Variants in SPECC1 observed in about 807,000 individuals in gnomAD.
SPECC1 encodes the protein sperm antigen with calponin homology and coiled-coil domains 1.
Under a neutral mutation model 104.1 loss-of-function variants are expected in SPECC1, and 62 were observed. That is an observed-to-expected ratio of 0.60 (90% CI 0.49 to 0.74). SPECC1 has a LOEUF of 0.74. SPECC1 is among the 30% of genes least tolerant of loss of function. The probability of loss-of-function intolerance (pLI) is 0.00; values close to 1 mark genes in which losing one functional copy is unlikely to be tolerated. For synonymous variants in SPECC1, 513 were observed against 501.6 expected (o/e 1.02, Z -0.30); for missense variants, 1,306 against 1,310.5 (o/e 1.00, Z 0.05).
At chr17:20,206,117 G>T (rs1183875466) in intron 4 of SPECC1, among the ~76,000 whole-genome samples, 3 of 152,158 alleles carry the variant, frequency 2.0e-5, no homozygotes, top group African/African-American at 7.2e-5. Flanking sequence ...CTGATTATGG[G>T]CGGTTCAAAA....
chr17:20,044,898 T>G (rs1021150423), intron 1 of SPECC1, among the ~76,000 whole-genome samples: 2 of 152,244 alleles, frequency 1.3e-5, no homozygotes, highest in African/African-American at 4.8e-5. Flanking sequence ...ATTTATCAAG[T>G]AAAGGGTGTG....
intron 7 of SPECC1, among the ~76,000 whole-genome samples, chr17:20,244,632 GAC>G (rs903817673): frequency 6.6e-6 from 1 of 151,902 alleles, no homozygotes; most frequent in Non-Finnish European, 1.5e-5. Flanking sequence ...GAGAATTAAA[GAC>G]AAATTCAACT....
chr17:20,253,057 G>A (rs1016149522), intron 9 of SPECC1, among the ~76,000 whole-genome samples: 2 of 147,988 alleles, frequency 1.4e-5, no homozygotes, highest in African/African-American at 5.0e-5. Context: ...TTTTTTTGAT[G>A]ATGGTCTTCC....
In SPECC1 at chr17:20,051,068, TTTTCTTTCTTTCTTTCTTTCTTTC is replaced by T. The variant is rs71157856; in HGVS notation, c.-22+41693_-22+41716del. On this transcript the variant is annotated intron_variant, in intron 1 of 14. Coordinates refer to ENST00000395527, the MANE Select transcript of SPECC1 (RefSeq NM_001243439.2). ...CTTGGTTCTTTCTTTCTTTCTTTCT[TTTTCTTTCTTTCTTTCTTTCTTTC>T]TTTCTTTCTTTCTTTCTTTCTTTCT... Among the ~76,000 whole-genome samples, 510 of 90,602 alleles carry T rather than the reference TTTTCTTTCTTTCTTTCTTTCTTTC, an allele frequency of 5.6e-3. 3 individuals carry two copies. Among genetic ancestry groups the T allele is most frequent in the East Asian group, 0.028 (85 of 3,028 alleles). The allele number at this position is 90,602 out of a possible 152,430, so 59.4% of individuals were successfully genotyped here. A position where few individuals can be genotyped will look rare whatever the true frequency, so the allele number is the denominator to read the frequency against.
intron 1 of SPECC1, among the ~76,000 whole-genome samples, chr17:20,052,706 T>C (rs1044119972): frequency 5.3e-5 from 8 of 152,176 alleles, no homozygotes; most frequent in African/African-American, 1.9e-4. Context: ...AATCAAACAC[T>C]ATCCAAGGAA....
chr17:20,297,197 G>A, intron 13 of SPECC1, 120 bp downstream of exon 13: 3 of 753,490 alleles, frequency 4.0e-6, no homozygotes, highest in Non-Finnish European at 4.4e-6. Flanking sequence ...TTGATACCAG[G>A]TACAGATAAC....
intron 4 of SPECC1, among the ~76,000 whole-genome samples, chr17:20,220,294 A>G (rs1039641648): frequency 6.6e-6 from 1 of 152,084 alleles, no homozygotes; most frequent in Non-Finnish European, 1.5e-5. Context: ...TGACTTATCC[A>G]GTCTCTACAC....
chr17:20,198,175 C>G (rs2036162780), intron 3 of SPECC1, among the ~76,000 whole-genome samples: 1 of 152,212 alleles, frequency 6.6e-6, no homozygotes, highest in Non-Finnish European at 1.5e-5. Flanking sequence ...AGCCACTCTG[C>G]TTAACACCCA....
intron 12 of SPECC1, among the ~76,000 whole-genome samples, chr17:20,295,183 A>C (rs1598157847): frequency 1.3e-5 from 1 of 79,898 alleles, no homozygotes; most frequent in African/African-American, 5.1e-5. Context: ...CCCCCACCCC[A>C]TGACAGGCCC....
At chr17:20,097,341 T>C (rs900090147) in intron 2 of SPECC1, among the ~76,000 whole-genome samples, 13 of 152,222 alleles carry the variant, frequency 8.5e-5, no homozygotes, top group Admixed American at 7.2e-4. Context: ...GCTCTCACCG[T>C]GCAAAGCCTA....
intron 4 of SPECC1, among the ~76,000 whole-genome samples, chr17:20,212,532 T>G (rs1030535051): frequency 1.3e-5 from 2 of 152,058 alleles, no homozygotes; most frequent in African/African-American, 4.8e-5. Context: ...AATCATCAGA[T>G]CTCGTGAGAC....
At chr17:20,200,889 G>GT (rs2036384856) in intron 3 of SPECC1, among the ~76,000 whole-genome samples, 1 of 107,910 alleles carries the variant, frequency 9.3e-6, no homozygotes, top group East Asian at 2.4e-4. Flanking sequence ...GACAGACATA[G>GT]TAAAAAAAAA....
At chr17:20,198,224 G>A (rs1263659739) in intron 3 of SPECC1, among the ~76,000 whole-genome samples, 1 of 152,206 alleles carries the variant, frequency 6.6e-6, no homozygotes, top group Non-Finnish European at 1.5e-5. Context: ...CCCCAAATGG[G>A]CCCCGTCATC....
At chr17:20,030,018 G>T (rs769194296) in intron 1 of SPECC1, among the ~76,000 whole-genome samples, 4 of 152,104 alleles carry the variant, frequency 2.6e-5, no homozygotes, top group Admixed American at 1.3e-4. Context: ...GACAAGGGAG[G>T]ATTCTTTCCT....
chr17:20,076,397 A>T (rs1346724473), intron 1 of SPECC1, among the ~76,000 whole-genome samples: 1 of 152,070 alleles, frequency 6.6e-6, no homozygotes, highest in Non-Finnish European at 1.5e-5. Flanking sequence ...ATGGAGTTTC[A>T]CTATGGTTCC....
intron 1 of SPECC1, among the ~76,000 whole-genome samples, chr17:20,090,088 G>A (rs780258516): frequency 6.6e-6 from 1 of 152,198 alleles, no homozygotes; most frequent in Admixed American, 6.5e-5. Context: ...TTTCTGGAGC[G>A]GAGAGACTTG....
chr17:20,052,597 A>G (rs1373300323), intron 1 of SPECC1, among the ~76,000 whole-genome samples: 1 of 152,184 alleles, frequency 6.6e-6, no homozygotes, highest in Non-Finnish European at 1.5e-5. Context: ...GAGCAGTGAC[A>G]TCTCCAAGAT....
At chr17:20,292,755 C>T (rs1446871187) in intron 12 of SPECC1, among the ~76,000 whole-genome samples, 1 of 152,196 alleles carries the variant, frequency 6.6e-6, no homozygotes, top group Non-Finnish European at 1.5e-5. Context: ...GGGGCCCTCC[C>T]AACAAAAGGC....
chr17:20,046,628 T>TC (rs1249226212), intron 1 of SPECC1, among the ~76,000 whole-genome samples: 1 of 151,944 alleles, frequency 6.6e-6, no homozygotes, highest in East Asian at 1.9e-4. Context: ...GTGAGTGAGG[T>TC]CCATGGGGTC....
Sources: allele counts gnomAD v4.1 joint callset (sites outside exome capture counted in the v4.1 genomes callset), GRCh38; gene constraint gnomAD v4.1.1; transcripts MANE v1.5; gene names NCBI Gene and HGNC (gene_info 2026-07-23, HGNC 2026-07-21).